GBE1: variants seen among roughly 807,000 people sequenced by gnomAD.
GBE1 encodes the protein 1,4-alpha-glucan-branching enzyme.
In GBE1, 70 loss-of-function variants were observed where a neutral mutation model predicts 88.8. The observed-to-expected ratio is 0.79, with a 90% CI of 0.65 to 0.96. The LOEUF (loss-of-function observed/expected upper bound fraction) is 0.96, where lower values mean the gene tolerates loss of function less well. Among genes scored for constraint, GBE1 ranks in the 40% least tolerant of loss-of-function variants. GBE1 has a pLI of 0.00. For missense variants in GBE1, 872 were observed against 871.0 expected, an observed-to-expected ratio of 1.00 and a Z score of -0.01; for synonymous variants, 284 against 300.1, an observed-to-expected ratio of 0.95 and a Z score of 0.56.
At chr3:81,735,728 T>C (rs1706249395) in intron 1 of GBE1, among the ~76,000 whole-genome samples, 1 of 152,172 alleles carries the variant, frequency 6.6e-6, no homozygotes, top group Non-Finnish European at 1.5e-5. Context: ...ATTTAAAGTG[T>C]ACATTTGTGG....
At chr3:81,524,766 T>C (rs1702921699) in intron 14 of GBE1, among the ~76,000 whole-genome samples, 1 of 151,966 alleles carries the variant, frequency 6.6e-6, no homozygotes, top group Non-Finnish European at 1.5e-5. Context: ...TACTGGTATT[T>C]GTGTCTGTTT....
At chr3:81,731,022 C>T (rs1706178016) in intron 1 of GBE1, among the ~76,000 whole-genome samples, 1 of 152,062 alleles carries the variant, frequency 6.6e-6, no homozygotes. Context: ...AAGTCAGGAT[C>T]CCAAACTTTT....
chr3:81,629,357 C>T (rs554105310), intron 7 of GBE1, among the ~76,000 whole-genome samples: 93 of 151,726 alleles, frequency 6.1e-4, no homozygotes, highest in Middle Eastern at 6.8e-3. Context: ...AGGACATGAA[C>T]TCATCATTTT....
At chr3:81,559,441 T>C (rs1217198117) in intron 12 of GBE1, among the ~76,000 whole-genome samples, 1 of 148,116 alleles carries the variant, frequency 6.8e-6, no homozygotes, top group African/African-American at 2.5e-5. Flanking sequence ...TCACTTACCC[T>C]GCAGAAGCCT....
chr3:81,566,393 A>G (rs1703495713), intron 12 of GBE1, among the ~76,000 whole-genome samples: 1 of 152,130 alleles, frequency 6.6e-6, no homozygotes, highest in Non-Finnish European at 1.5e-5. Flanking sequence ...CCAGTTGGCT[A>G]TTGGTTCTTT....
chr3:81,581,578 C>T (rs1158800185), intron 10 of GBE1, among the ~76,000 whole-genome samples: 1 of 151,834 alleles, frequency 6.6e-6, no homozygotes, highest in Non-Finnish European at 1.5e-5. Flanking sequence ...TAACTGCCAC[C>T]TCTTGATTAA....
chr3:81,503,921 T>C (rs1378585286), intron 14 of GBE1, among the ~76,000 whole-genome samples: 2 of 152,190 alleles, frequency 1.3e-5, no homozygotes, highest in Non-Finnish European at 2.9e-5. Context: ...GGTGCTGGCA[T>C]CTGCTTTTGG....
intron 7 of GBE1, among the ~76,000 whole-genome samples, chr3:81,615,503 AATG>A (rs1264147937): frequency 6.6e-6 from 1 of 152,182 alleles, no homozygotes; most frequent in Non-Finnish European, 1.5e-5. Flanking sequence ...TCACTACAAG[AATG>A]ATAATATAAA....
At chr3:81,670,632 TTTG>T (rs1705176603) in intron 3 of GBE1, among the ~76,000 whole-genome samples, 2 of 152,148 alleles carry the variant, frequency 1.3e-5, no homozygotes. Flanking sequence ...TACAACTAAG[TTTG>T]GTTCCTTACC....
At chr3:81,611,720 T>G (rs1335895166) in intron 7 of GBE1, among the ~76,000 whole-genome samples, 2 of 152,166 alleles carry the variant, frequency 1.3e-5, no homozygotes, top group Non-Finnish European at 2.9e-5. Context: ...GTCTGAATTT[T>G]TTAGGATGAG....
intron 1 of GBE1, among the ~76,000 whole-genome samples, chr3:81,712,566 C>T (rs1361983933): frequency 1.3e-5 from 2 of 151,200 alleles, no homozygotes; most frequent in East Asian, 2.0e-4. Context: ...CCAAACACCG[C>T]ATGTTCTCAC....
intron 1 of GBE1, among the ~76,000 whole-genome samples, chr3:81,743,385 T>G (rs539355299): frequency 6.6e-6 from 1 of 151,768 alleles, no homozygotes; most frequent in East Asian, 1.9e-4. Context: ...GAAAAGCAAG[T>G]CATGAAGAAA....
chr3:81,748,350 G>C (rs1706446870), intron 1 of GBE1, among the ~76,000 whole-genome samples: 1 of 151,752 alleles, frequency 6.6e-6, no homozygotes, highest in Admixed American at 6.6e-5. Flanking sequence ...GGTGGCTCAC[G>C]CCTATAATTA....
At chr3:81,674,029 T>C (rs141250025) in intron 2 of GBE1, among the ~76,000 whole-genome samples, 1 of 152,042 alleles carries the variant, frequency 6.6e-6, no homozygotes, top group East Asian at 1.9e-4. Context: ...CATATATGTA[T>C]GAAACTATTT....
intron 2 of GBE1, among the ~76,000 whole-genome samples, chr3:81,702,616 T>C (rs748866782): frequency 2.6e-5 from 4 of 151,996 alleles, no homozygotes; most frequent in Non-Finnish European, 4.4e-5. Flanking sequence ...TATTTGTTGA[T>C]TGAGAATCAT....
At chr3:81,754,591 G>C (rs1263687952) in intron 1 of GBE1, among the ~76,000 whole-genome samples, 1 of 149,502 alleles carries the variant, frequency 6.7e-6, no homozygotes, top group African/African-American at 2.4e-5. Context: ...CAAAGCTATA[G>C]AAACCAAAAC....
intron 3 of GBE1, among the ~76,000 whole-genome samples, chr3:81,655,530 TG>T (rs1325901763): frequency 6.6e-6 from 1 of 152,056 alleles, no homozygotes; most frequent in African/African-American, 2.4e-5. Flanking sequence ...TTGTTGTTGT[TG>T]TTGTTATGGA....
chr3:81,632,497 C>A (rs532020852), intron 7 of GBE1, among the ~76,000 whole-genome samples: 1 of 152,038 alleles, frequency 6.6e-6, no homozygotes, highest in Non-Finnish European at 1.5e-5. Flanking sequence ...CAAATCAAAA[C>A]CACAATGAGA....
intron 14 of GBE1, among the ~76,000 whole-genome samples, chr3:81,519,829 C>A (rs963718345): frequency 1.3e-5 from 2 of 151,330 alleles, no homozygotes; most frequent in African/African-American, 4.8e-5. Flanking sequence ...TATGGCAGGG[C>A]AGTGAGAAAA....
Sources: allele counts gnomAD v4.1 joint callset (sites outside exome capture counted in the v4.1 genomes callset), GRCh38; gene constraint gnomAD v4.1.1; transcripts MANE v1.5; gene names NCBI Gene and HGNC (gene_info 2026-07-23, HGNC 2026-07-21).